NTRK3: variants seen among roughly 807,000 people sequenced by gnomAD.
NTRK3 encodes the protein NT-3 growth factor receptor.
NTRK3 carries 24 observed loss-of-function variants against 91.7 expected under a neutral mutation model. The ratio of observed to expected loss-of-function variants is 0.26; its 90% CI spans 0.19 to 0.37. The LOEUF is 0.37. NTRK3 is among the 10% of genes least tolerant of loss of function. NTRK3 has a pLI of 1.00. For synonymous variants in NTRK3, 483 were observed against 404.0 expected (o/e 1.20, Z -2.34); for missense variants, 880 against 1,068.9 (o/e 0.82, Z 2.46).
intron 14 of NTRK3, among the ~76,000 whole-genome samples, chr15:88,030,645 C>T (rs1442726081): frequency 6.6e-6 from 1 of 152,090 alleles, no homozygotes; most frequent in African/African-American, 2.4e-5. Flanking sequence ...ATGTGCAGTG[C>T]CAAAACCAAG....
chr15:88,043,133 T>C (rs2079818541), intron 13 of NTRK3, among the ~76,000 whole-genome samples: 1 of 152,194 alleles, frequency 6.6e-6, no homozygotes, highest in Non-Finnish European at 1.5e-5. Flanking sequence ...AGCACAGGAA[T>C]GGCCGGCAGC....
chr15:88,248,299 G>A (rs373488634), intron 3 of NTRK3, among the ~76,000 whole-genome samples: 15 of 152,270 alleles, frequency 9.9e-5, no homozygotes, highest in Admixed American at 5.9e-4. Flanking sequence ...GTCAGAAGGA[G>A]AGACCAAAAG....
intron 3 of NTRK3, among the ~76,000 whole-genome samples, chr15:88,190,557 G>A (rs768694887): frequency 6.6e-6 from 1 of 152,056 alleles, no homozygotes; most frequent in Non-Finnish European, 1.5e-5. Context: ...CTATTTTCTG[G>A]CTCTTTTTTT....
At chr15:88,191,683 G>T (rs566347102) in intron 3 of NTRK3, among the ~76,000 whole-genome samples, 2 of 152,354 alleles carry the variant, frequency 1.3e-5, no homozygotes, top group Admixed American at 1.3e-4. Flanking sequence ...TGAGGAAATT[G>T]ATTTGTTATC....
chr15:88,147,273 T>A, intron 6 of NTRK3, 62 bp downstream of exon 6: 2 of 1,480,536 alleles, frequency 1.4e-6, no homozygotes, highest in South Asian at 1.1e-5. Context: ...TGCTTGACAC[T>A]CCTCCCCATC....
rs188541771 is a variant in NTRK3 at position 88,079,388 on chromosome 15, A to C, written c.1397-46343T>G. On this transcript the variant is annotated intron_variant, in intron 13 of 18. Coordinates refer to ENST00000394480, the Ensembl canonical transcript of NTRK3. Reference sequence around the variant, plus strand: ...AGGTGCCAAGAAAGCGGACGGATATACCAGGATGCCCCTGCTTCCAGAAGT... The same window carrying C: ...AGGTGCCAAGAAAGCGGACGGATATCCCAGGATGCCCCTGCTTCCAGAAGT... 2.0e-4 allele frequency among the ~76,000 whole-genome samples: 31 copies of C among 152,306 alleles called. 2 individuals are homozygous for C. Among genetic ancestry groups the C allele is most frequent in the African/African-American group, 7.5e-4 (31 of 41,574 alleles).
chr15:88,144,471 TCCA>T (rs2042694158), intron 6 of NTRK3, among the ~76,000 whole-genome samples: 1 of 152,028 alleles, frequency 6.6e-6, no homozygotes, highest in Non-Finnish European at 1.5e-5. Flanking sequence ...TTCCTTTGAT[TCCA>T]CTCAAGGGAC....
chr15:88,015,911 G>A (rs118032875), intron 14 of NTRK3, among the ~76,000 whole-genome samples: 498 of 151,896 alleles, frequency 3.3e-3, no homozygotes, highest in Middle Eastern at 0.01. Flanking sequence ...GCCTGGCCAC[G>A]TATTATGTAG....
chr15:88,128,578 C>G, intron 11 of NTRK3, 133 bp downstream of exon 11: 2 of 935,472 alleles, frequency 2.1e-6, no homozygotes, highest in South Asian at 2.7e-5. Flanking sequence ...TTCCCTTTCA[C>G]AGTTCACTCA....
chr15:88,184,391 G>T (rs1343673068), intron 3 of NTRK3, 92 bp from the exon 4 acceptor site: 4 of 1,205,154 alleles, frequency 3.3e-6, no homozygotes, highest in East Asian at 5.0e-5. Context: ...GATCCCCGAT[G>T]AGCTAATTGA....
intron 13 of NTRK3, among the ~76,000 whole-genome samples, chr15:88,086,998 C>A (rs998162616): frequency 1.3e-5 from 2 of 152,220 alleles, no homozygotes; most frequent in Non-Finnish European, 2.9e-5. Flanking sequence ...CCCAAGGGGA[C>A]CCAGCTCAAA....
chr15:87,965,036 G>A (rs1168277828), intron 14 of NTRK3, among the ~76,000 whole-genome samples: 1 of 152,126 alleles, frequency 6.6e-6, no homozygotes, highest in Non-Finnish European at 1.5e-5. Context: ...CATTGCAAAA[G>A]ATCAGTTAAA....
chr15:88,025,444 A>G (rs1466442009), intron 14 of NTRK3, among the ~76,000 whole-genome samples: 1 of 152,232 alleles, frequency 6.6e-6, no homozygotes, highest in African/African-American at 2.4e-5. Context: ...TGTAAACTTT[A>G]TTTAGAAATG....
At chr15:88,186,674 T>A (rs937578164) in intron 3 of NTRK3, among the ~76,000 whole-genome samples, 1 of 152,238 alleles carries the variant, frequency 6.6e-6, no homozygotes, top group African/African-American at 2.4e-5. Flanking sequence ...TTGTAACACA[T>A]GAAAACTACA....
intron 16 of NTRK3, among the ~76,000 whole-genome samples, chr15:87,931,803 C>T (rs768050346): frequency 2.0e-5 from 3 of 152,332 alleles, no homozygotes; most frequent in Admixed American, 6.5e-5. Context: ...CTCAAAACCA[C>T]GACACCCTAT....
intron 3 of NTRK3, among the ~76,000 whole-genome samples, chr15:88,203,564 A>G (rs2048477653): frequency 6.6e-6 from 1 of 152,222 alleles, no homozygotes; most frequent in Non-Finnish European, 1.5e-5. Flanking sequence ...CACGGCTAAA[A>G]GAGGTTGATT....
chr15:88,168,406 G>T (rs1306638555), intron 5 of NTRK3, among the ~76,000 whole-genome samples: 3 of 152,172 alleles, frequency 2.0e-5, no homozygotes, highest in African/African-American at 7.2e-5. Context: ...AAAGAAAGCT[G>T]CTGGGGATCA....
intron 13 of NTRK3, among the ~76,000 whole-genome samples, chr15:88,106,801 T>C (rs1233787269): frequency 1.3e-5 from 2 of 151,878 alleles, no homozygotes; most frequent in African/African-American, 4.8e-5. Context: ...GGCATGGTGG[T>C]GGGTGCCTGT....
intron 13 of NTRK3, among the ~76,000 whole-genome samples, chr15:88,111,755 G>T: frequency 6.6e-6 from 1 of 152,226 alleles, no homozygotes; most frequent in Non-Finnish European, 1.5e-5. Flanking sequence ...GTGAAAAACA[G>T]AATGATAATA....
Sources: allele counts gnomAD v4.1 joint callset (sites outside exome capture counted in the v4.1 genomes callset), GRCh38; gene constraint gnomAD v4.1.1; transcripts MANE v1.5; gene names NCBI Gene and HGNC (gene_info 2026-07-23, HGNC 2026-07-21).